UNC13B: variants seen among roughly 807,000 people sequenced by gnomAD.
UNC13B encodes protein unc-13 homolog B.
In UNC13B, 144 loss-of-function variants were observed where a neutral mutation model predicts 211.0. The ratio of observed to expected loss-of-function variants is 0.68; its 90% CI spans 0.60 to 0.78. The LOEUF (loss-of-function observed/expected upper bound fraction) is 0.78. Ranked by LOEUF, UNC13B falls within the 30% of genes least tolerant of loss-of-function variation. The probability of loss-of-function intolerance (pLI) is 0.00; values close to 1 mark genes in which losing one functional copy is unlikely to be tolerated. For missense variants in UNC13B, 1,777 were observed against 2,002.0 expected, an observed-to-expected ratio of 0.89 and a Z score of 2.14; for synonymous variants, 709 against 725.8, an observed-to-expected ratio of 0.98 and a Z score of 0.37.
At chr9:35,376,406 G>A (rs748750537) in intron 15 of UNC13B, among the ~76,000 whole-genome samples, 159 bp downstream of exon 15, 62 of 152,324 alleles carry the variant, frequency 4.1e-4, no homozygotes, top group Non-Finnish European at 7.3e-4. Context: ...TGAATCAAGG[G>A]GCATTGCCTT....
intron 26 of UNC13B, among the ~76,000 whole-genome samples, chr9:35,392,860 C>T (rs890625503): frequency 1.1e-4 from 17 of 151,706 alleles, no homozygotes; most frequent in African/African-American, 3.4e-4. Context: ...AAATGCTGTC[C>T]GTCACCAAAT....
At chr9:35,178,012 T>C (rs1211964403) in intron 1 of UNC13B, among the ~76,000 whole-genome samples, 1 of 152,054 alleles carries the variant, frequency 6.6e-6, no homozygotes, top group Non-Finnish European at 1.5e-5. Flanking sequence ...ATTTGAAGAG[T>C]TGGCAGTCCA....
At chr9:35,213,302 C>T (rs1316877697) in intron 1 of UNC13B, among the ~76,000 whole-genome samples, 2 of 152,082 alleles carry the variant, frequency 1.3e-5, no homozygotes, top group Admixed American at 1.3e-4. Flanking sequence ...CAGCACCAGG[C>T]AGTTTGTACT....
chr9:35,175,861 A>ACG (rs369364095), intron 1 of UNC13B, among the ~76,000 whole-genome samples: 5 of 114,358 alleles, frequency 4.4e-5, no homozygotes, highest in Non-Finnish European at 7.3e-5. Context: ...TACTAAAAAT[A>ACG]TATAAAAAAA....
intron 11 of UNC13B, among the ~76,000 whole-genome samples, chr9:35,363,903 T>G (rs191952180): frequency 6.6e-6 from 1 of 152,258 alleles, no homozygotes; most frequent in Non-Finnish European, 1.5e-5. Flanking sequence ...TCACTGTGAT[T>G]TCTATTAGGA....
At position 35,381,199 on chromosome 9, in the gene UNC13B, A is replaced by G; in HGVS notation, c.10475A>G (p.Tyr3492Cys). 1 of 1,613,924 alleles carries G rather than the reference A, an allele frequency of 6.2e-7. No individual in the cohort carries two copies. Among genetic ancestry groups the G allele is most frequent in the Non-Finnish European group, 8.5e-7 (1 of 1,179,954 alleles). The change falls in exon 19 of 40, where the codon TAT (tyrosine) becomes TGT (cysteine). Residue 3492 changes from tyrosine (Y) to cysteine (C), a missense_variant. Tyr to Cys is a radical substitution (Grantham distance 194, BLOSUM62 -2). Coordinates refer to ENST00000635942, the MANE Select transcript of UNC13B (RefSeq NM_001371189.2). Reference protein sequence around the residue: ...EEKVAPYHVQYTCLHENLFHY... With the variant: ...EEKVAPYHVQCTCLHENLFHY... ...AAAGTAGCCCCATACCACGTGCAGT[A>G]TACATGTCTCCATGAGGTGAGCCAG...
chr9:35,295,059 C>T (rs950882013), intron 7 of UNC13B, among the ~76,000 whole-genome samples: 6 of 152,104 alleles, frequency 3.9e-5, no homozygotes. Flanking sequence ...AGGTGCTTGA[C>T]AGGAATTGTT....
chr9:35,384,421 T>C (rs1457628624), intron 22 of UNC13B, 107 bp downstream of exon 22: 21 of 1,503,608 alleles, frequency 1.4e-5, no homozygotes, highest in Non-Finnish European at 1.7e-5. Flanking sequence ...AAAACTGGTC[T>C]GTGTCATCAC....
At position 35,306,928 on chromosome 9, in the gene UNC13B, T is replaced by G. The variant is rs1450379924; in HGVS notation, c.7524T>G (p.Gly2508=). The G allele has an allele frequency of 2.5e-6, 1 of 398,922 alleles. No homozygotes were observed. The highest frequency in any genetic ancestry group is 4.4e-6 in the Non-Finnish European group (1 of 226,044). The allele number at this position is 398,922 out of a possible 1,614,324, so 24.7% of individuals were successfully genotyped here. A position where few individuals can be genotyped will look rare whatever the true frequency, so the allele number is the denominator to read the frequency against. The stretch of plus-strand genomic sequence containing the variant: ...ATGTATCATCTCAGCCCCTCAAAGG[T>G]GAATTATTTGGAATTTTCAAAAGTC... ...ASDVSSQPLK[G]ELFGIFKSPK... The change falls in exon 9 of 40, where the codon GGT becomes GGG. Residue 2508 remains glycine, a synonymous_variant. Transcript: ENST00000635942.
chr9:35,265,709 G>A (rs964512875), intron 7 of UNC13B, among the ~76,000 whole-genome samples: 2 of 152,038 alleles, frequency 1.3e-5, no homozygotes, highest in Admixed American at 6.6e-5. Context: ...AGGCTGCAGC[G>A]GGAGGATGGC....
chr9:35,375,098 C>A, intron 13 of UNC13B, 29 bp from the exon 14 acceptor site: 2 of 1,612,798 alleles, frequency 1.2e-6, no homozygotes, highest in South Asian at 2.2e-5. Context: ...TGGCAGTGGT[C>A]AGGGCTAACA....
intron 1 of UNC13B, among the ~76,000 whole-genome samples, chr9:35,172,720 G>T (rs1256047463): frequency 6.6e-6 from 1 of 152,170 alleles, no homozygotes; most frequent in Non-Finnish European, 1.5e-5. Flanking sequence ...TATCCACTGG[G>T]TGTGTGAGAA....
intron 3 of UNC13B, among the ~76,000 whole-genome samples, chr9:35,233,852 T>A (rs1273715471): frequency 6.6e-6 from 1 of 152,160 alleles, no homozygotes; most frequent in Non-Finnish European, 1.5e-5. Flanking sequence ...CCTAGGGTCC[T>A]GGGTATGAAG....
In UNC13B at chr9:35,398,653, C is replaced by T. The variant is rs1836054056; in HGVS notation, c.11921+11C>T. Reference sequence around the variant, plus strand: ...GGTGTTTGGAAACAGGTCAGTGACCCCACAATACAAGGCCCTCAGAGCCAG... The same window carrying T: ...GGTGTTTGGAAACAGGTCAGTGACCTCACAATACAAGGCCCTCAGAGCCAG... On this transcript the variant is annotated intron_variant, in intron 32 of 39. Transcript: ENST00000635942. The T allele has an allele frequency of 3.1e-6, 5 of 1,613,638 alleles. No individual in the cohort carries two copies. The highest frequency in any genetic ancestry group is 3.4e-6 in the Non-Finnish European group (4 of 1,179,860).
At chr9:35,356,040 AAGG>A (rs1283590645) in intron 11 of UNC13B, among the ~76,000 whole-genome samples, 2 of 152,170 alleles carry the variant, frequency 1.3e-5, no homozygotes, top group Non-Finnish European at 2.9e-5. Context: ...TGATGAATAG[AAGG>A]AGGTTTTCTA....
rs1434903493 is a variant in UNC13B at position 35,403,134 on chromosome 9, C to A, written c.12485-33C>A. On this transcript the variant is annotated intron_variant, in intron 37 of 39. Transcript: ENST00000635942. ...CTCAGGTTTACCTCCTACAGTTCTCCAATGGGGAATCATCTCTCCATTTGT... is the reference window on the plus strand; with the variant it reads ...CTCAGGTTTACCTCCTACAGTTCTCAAATGGGGAATCATCTCTCCATTTGT... 9 of 1,603,274 alleles carry A rather than the reference C, an allele frequency of 5.6e-6. No individual in the cohort carries two copies. The Admixed American group carries it at 6.7e-5, about 12-fold the overall frequency.
intron 7 of UNC13B, among the ~76,000 whole-genome samples, chr9:35,286,644 C>G (rs757793112): frequency 6.6e-6 from 1 of 151,966 alleles, no homozygotes; most frequent in Non-Finnish European, 1.5e-5. Flanking sequence ...AGGATGACTC[C>G]AGAAGCTTGA....
chr9:35,208,865 T>C (rs1258082523), intron 1 of UNC13B, among the ~76,000 whole-genome samples: 2 of 152,226 alleles, frequency 1.3e-5, no homozygotes, highest in African/African-American at 4.8e-5. Flanking sequence ...ATATTTTTGT[T>C]GCTTTTCATT....
chr9:35,166,048 ATAGT>A (rs1444359333), intron 1 of UNC13B, among the ~76,000 whole-genome samples: 1 of 151,984 alleles, frequency 6.6e-6, no homozygotes, highest in Non-Finnish European at 1.5e-5. Flanking sequence ...TGTTTATAAC[ATAGT>A]TAGATAATTT....
Sources: allele counts gnomAD v4.1 joint callset (sites outside exome capture counted in the v4.1 genomes callset), GRCh38; gene constraint gnomAD v4.1.1; transcripts MANE v1.5; gene names NCBI Gene and HGNC (gene_info 2026-07-23, HGNC 2026-07-21).